The following RBFOX3 variants were observed in gnomAD, a reference collection of about 807,000 sequenced individuals.
RBFOX3 encodes RNA binding fox-1 homolog 3.
Under a neutral mutation model 48.7 loss-of-function variants are expected in RBFOX3, and 17 were observed. That is an observed-to-expected ratio of 0.35 (90% CI 0.24 to 0.52). RBFOX3 has a LOEUF of 0.52. Among genes scored for constraint, RBFOX3 ranks in the 20% least tolerant of loss-of-function variants. The pLI is 0.94. For missense variants in RBFOX3, 382 were observed against 497.5 expected, an observed-to-expected ratio of 0.77 and a Z score of 2.21; for synonymous variants, 212 against 209.5, an observed-to-expected ratio of 1.01 and a Z score of -0.10.
the RBFOX3 span, among the ~76,000 whole-genome samples, chr17:79,634,745 C>T: frequency 6.6e-6 from 1 of 152,078 alleles, no homozygotes; most frequent in Admixed American, 6.6e-5. Context: ...TCCTCATGTC[C>T]TGGAACTTTC....
At chr17:79,620,537 GCA>G in the RBFOX3 span, among the ~76,000 whole-genome samples, 2 of 142,554 alleles carry the variant, frequency 1.4e-5, no homozygotes, top group African/African-American at 2.7e-5. Flanking sequence ...ACGCGCACAT[GCA>G]CACACGCATG....
chr17:79,569,084 G>GAA lies in RBFOX3; in HGVS notation c.-320+41740_-320+41741dup, dbSNP rs1282902133. On this transcript the variant is annotated intron_variant, in intron 1 of 14. Coordinates refer to ENST00000693108, the MANE Select transcript of RBFOX3 (RefSeq NM_001350451.2). ...TTCATTGTGGAAACATCTATAGCAA[G>GAA]AAAAAAAAAAAAACCTTGCCATTTC... 8.2e-3 allele frequency among the ~76,000 whole-genome samples: 1,131 copies of GAA among 137,298 alleles called. 18 individuals are homozygous for GAA. The highest frequency in any genetic ancestry group is 0.028 in the African/African-American group (1,069 of 37,704). The allele number at this position is 137,298 out of a possible 152,430, so 90.1% of individuals were successfully genotyped here.
intron 1 of RBFOX3, among the ~76,000 whole-genome samples, 183 bp downstream of exon 1, chr17:79,610,643 C>T: frequency 6.6e-6 from 1 of 152,102 alleles, no homozygotes; most frequent in South Asian, 2.1e-4. Context: ...GCGCAGGGAC[C>T]CCTGACCCCG....
chr17:79,621,961 G>T, the RBFOX3 span, among the ~76,000 whole-genome samples: 1 of 152,198 alleles, frequency 6.6e-6, no homozygotes, highest in Non-Finnish European at 1.5e-5. Context: ...AGAGAAGACC[G>T]CAAGCTAATC....
At chr17:79,591,530 C>A (rs1465290286) in intron 1 of RBFOX3, among the ~76,000 whole-genome samples, 1 of 152,194 alleles carries the variant, frequency 6.6e-6, no homozygotes, top group East Asian at 1.9e-4. Flanking sequence ...GGCACAGCGC[C>A]AAAGGTCCCA....
chr17:79,457,386 C>T (rs1156372427), intron 2 of RBFOX3, among the ~76,000 whole-genome samples: 4 of 152,196 alleles, frequency 2.6e-5, no homozygotes, highest in Admixed American at 2.6e-4. Context: ...TAATATGGCT[C>T]ATGAATGGGG....
At chr17:79,517,631 A>G (rs1353530025) in intron 1 of RBFOX3, among the ~76,000 whole-genome samples, 1 of 152,064 alleles carries the variant, frequency 6.6e-6, no homozygotes, top group Admixed American at 6.6e-5. Context: ...GGACAACTCA[A>G]AAACTCCAAG....
chr17:79,309,819 C>G (rs75356728), intron 2 of RBFOX3, among the ~76,000 whole-genome samples: 1 of 152,128 alleles, frequency 6.6e-6, no homozygotes, highest in Non-Finnish European at 1.5e-5. Context: ...TCTCATCTCC[C>G]GCCACCATGT....
chr17:79,483,207 C>T (rs1233879583), intron 1 of RBFOX3, among the ~76,000 whole-genome samples: 1 of 151,954 alleles, frequency 6.6e-6, no homozygotes, highest in Non-Finnish European at 1.5e-5. Context: ...AAATAACATA[C>T]GAGGTCTCAC....
intron 1 of RBFOX3, among the ~76,000 whole-genome samples, chr17:79,605,071 C>A (rs1199851963): frequency 6.6e-6 from 1 of 152,140 alleles, no homozygotes; most frequent in Non-Finnish European, 1.5e-5. Flanking sequence ...CCATGGTGTT[C>A]GGGCTGCTCA....
intron 1 of RBFOX3, among the ~76,000 whole-genome samples, chr17:79,565,781 C>T (rs1476442111): frequency 2.0e-5 from 3 of 152,298 alleles, no homozygotes; most frequent in African/African-American, 4.8e-5. Context: ...AGGGTCTCCT[C>T]CTTTCTTCTG....
intron 4 of RBFOX3, chr17:79,183,229 G>T (rs773687573): frequency 6.6e-6 from 1 of 150,688 alleles, no homozygotes; most frequent in African/African-American, 2.4e-5. Flanking sequence ...ACGTGCGCCG[G>T]GCCGGGGGCC....
intron 2 of RBFOX3, among the ~76,000 whole-genome samples, chr17:79,412,089 C>A (rs952025085): frequency 6.6e-6 from 1 of 150,424 alleles, no homozygotes; most frequent in Non-Finnish European, 1.5e-5. Context: ...CGTGTATATA[C>A]GTATGTGGGG....
Position 79,397,497 on chromosome 17 carries a change from A to ACCCC in RBFOX3, c.-175+84956_-175+84957insGGGG, listed in dbSNP as rs1568178186. Among the ~76,000 whole-genome samples the ACCCC allele has an allele frequency of 3.8e-4, 57 of 149,374 alleles. 1 individual carries two copies. The highest frequency in any genetic ancestry group is 6.3e-4 in the Non-Finnish European group (42 of 66,870). On this transcript the variant is annotated intron_variant, in intron 2 of 14. Transcript: ENST00000693108. ...AACAGAGGAGGACTCCATCCCCAAA[A>ACCCC]AAAAAAAAAAAGTGCGACCCCCACC...
At chr17:79,367,146 C>T (rs1284833623) in intron 2 of RBFOX3, among the ~76,000 whole-genome samples, 5 of 152,102 alleles carry the variant, frequency 3.3e-5, no homozygotes, top group Non-Finnish European at 7.4e-5. Context: ...TTCGCAGAGT[C>T]GGCTTCCGGA....
the RBFOX3 span, among the ~76,000 whole-genome samples, chr17:79,663,248 A>G: frequency 3.3e-5 from 5 of 152,164 alleles, no homozygotes. Flanking sequence ...ATTTGGGTCC[A>G]TTATAAATGA....
intron 2 of RBFOX3, among the ~76,000 whole-genome samples, chr17:79,432,736 G>A (rs77252463): frequency 1.3e-5 from 2 of 151,796 alleles, no homozygotes; most frequent in Non-Finnish European, 2.9e-5. Context: ...AAAAAAAAAA[G>A]CTAACGTGGT....
intron 1 of RBFOX3, among the ~76,000 whole-genome samples, chr17:79,511,270 C>G (rs934518294): frequency 2.0e-5 from 3 of 152,174 alleles, no homozygotes; most frequent in Admixed American, 6.5e-5. Flanking sequence ...AGACGAAACT[C>G]TGTGTGTGTG....
chr17:79,174,258 C>T (rs554766117), intron 4 of RBFOX3, among the ~76,000 whole-genome samples: 2 of 152,254 alleles, frequency 1.3e-5, no homozygotes, highest in East Asian at 1.9e-4. Flanking sequence ...CAGGCACACA[C>T]ACAATGCACA....
Sources: allele counts gnomAD v4.1 joint callset (sites outside exome capture counted in the v4.1 genomes callset), GRCh38; gene constraint gnomAD v4.1.1; transcripts MANE v1.5; gene names NCBI Gene and HGNC (gene_info 2026-07-23, HGNC 2026-07-21).